The following PCDHA1 variants were observed in gnomAD, a reference collection of about 807,000 sequenced individuals.
PCDHA1 encodes protocadherin alpha 1.
In PCDHA1, 42 loss-of-function variants were observed where a neutral mutation model predicts 61.3. That is an observed-to-expected ratio of 0.69 (90% CI 0.54 to 0.89). PCDHA1 has a LOEUF of 0.89. Among genes scored for constraint, PCDHA1 ranks in the 40% least tolerant of loss-of-function variants. The pLI is 0.00. For synonymous variants in PCDHA1, 610 were observed against 553.8 expected, an observed-to-expected ratio of 1.10 and a Z score of -1.43; for missense variants, 1,256 against 1,235.3, an observed-to-expected ratio of 1.02 and a Z score of -0.25.
At chr5:140,796,709 C>G (rs782015671) in intron 1 of PCDHA1, 58 of 1,613,842 alleles carry the variant, frequency 3.6e-5, no homozygotes, top group Non-Finnish European at 4.6e-5. Flanking sequence ...GAGCTGGTGC[C>G]GTGGTCGGTG....
At chr5:140,825,177 G>T (rs1289982314) in intron 1 of PCDHA1, 2 of 151,306 alleles carry the variant, frequency 1.3e-5, no homozygotes, top group Non-Finnish European at 1.5e-5. Context: ...ATTTACTAAT[G>T]TATCTTGATG....
At position 140,881,397 on chromosome 5, in the gene PCDHA1, T is replaced by C. The variant is rs571341331; in HGVS notation, c.2394+92713T>C. On this transcript the variant is annotated intron_variant, in intron 1 of 3. Transcript: ENST00000504120. ...CAGCCGGCGGCGGTAAGTTAAATTC[T>C]ATTAAATCAATAGGATATTAGTTCC... 20 of 979,006 alleles carry C rather than the reference T, an allele frequency of 2.0e-5. No homozygotes were observed. In the African/African-American group the frequency reaches 3.5e-4, roughly 17 times the overall value. 60.6% of individuals were successfully genotyped at this position (979,006 alleles called of 1,614,324 possible). A position where few individuals can be genotyped will look rare whatever the true frequency, so the allele number is the denominator to read the frequency against.
At chr5:141,000,421 A>ATATTTTTTTTTTT (rs1265241806) in intron 3 of PCDHA1, among the ~76,000 whole-genome samples, 1 of 27,968 alleles carries the variant, frequency 3.6e-5, no homozygotes, top group African/African-American at 1.8e-4. Flanking sequence ...ATATATATAT[A>ATATTTTTTTTTTT]TTTTTTTTTT....
At chr5:140,899,974 C>A (rs2067653485) in intron 1 of PCDHA1, among the ~76,000 whole-genome samples, 1 of 151,766 alleles carries the variant, frequency 6.6e-6, no homozygotes, top group Non-Finnish European at 1.5e-5. Context: ...TGCCCAGCTA[C>A]TTTTTTGATT....
At chr5:140,856,485 T>C (rs1554148765) in intron 1 of PCDHA1, 1 of 1,598,290 alleles carries the variant, frequency 6.3e-7, no homozygotes, top group East Asian at 2.2e-5. Context: ...GAATCCAGAC[T>C]GCTTGACTCT....
chr5:140,875,873 G>C (rs1554168013), intron 1 of PCDHA1: 2 of 1,614,214 alleles, frequency 1.2e-6, no homozygotes, highest in South Asian at 1.1e-5. Context: ...CCGGTGTTCA[G>C]AGAAAGGGAA....
At chr5:140,868,922 C>A in intron 1 of PCDHA1, 2 of 1,015,106 alleles carry the variant, frequency 2.0e-6, no homozygotes, top group Non-Finnish European at 2.8e-6. Flanking sequence ...GTGGAAAGTT[C>A]ATTTAAAGGT....
intron 1 of PCDHA1, among the ~76,000 whole-genome samples, chr5:140,905,926 A>G (rs1040903041): frequency 6.6e-6 from 1 of 152,318 alleles, no homozygotes; most frequent in East Asian, 1.9e-4. Flanking sequence ...TCTGAGTCCC[A>G]AAGCTGAAGA....
chr5:140,873,149 T>C (rs2054128037), intron 1 of PCDHA1, among the ~76,000 whole-genome samples: 1 of 152,218 alleles, frequency 6.6e-6, no homozygotes, highest in Non-Finnish European at 1.5e-5. Flanking sequence ...AGCCTATTCA[T>C]AGACTTTAGA....
chr5:140,858,133 C>T, intron 1 of PCDHA1: 1 of 1,597,688 alleles, frequency 6.3e-7, no homozygotes, highest in Non-Finnish European at 8.6e-7. Context: ...TGGATGTCAA[C>T]GTGTACCTGA....
At chr5:140,992,606 G>A (rs1554253052) in intron 3 of PCDHA1, among the ~76,000 whole-genome samples, 1 of 152,188 alleles carries the variant, frequency 6.6e-6, no homozygotes. Flanking sequence ...CTGTGTCTAA[G>A]TGAAAGCAGA....
intron 1 of PCDHA1, chr5:140,856,728 T>C: frequency 6.3e-7 from 1 of 1,595,848 alleles, no homozygotes. Context: ...TCTGTTTCTC[T>C]GCTGATCCTG....
intron 1 of PCDHA1, chr5:140,862,842 G>C: frequency 1.7e-6 from 1 of 572,982 alleles, no homozygotes; most frequent in Non-Finnish European, 3.3e-6. Flanking sequence ...CGGGCATGCC[G>C]CCTCTGAGCA....
intron 1 of PCDHA1, among the ~76,000 whole-genome samples, chr5:140,916,805 A>G (rs560427769): frequency 6.6e-6 from 1 of 152,152 alleles, no homozygotes; most frequent in Non-Finnish European, 1.5e-5. Context: ...ATGACTTCCT[A>G]GGTCATGTGC....
At chr5:140,985,062 T>C (rs2097134097) in intron 3 of PCDHA1, among the ~76,000 whole-genome samples, 1 of 152,058 alleles carries the variant, frequency 6.6e-6, no homozygotes, top group African/African-American at 2.4e-5. Flanking sequence ...CTCAGCCTCC[T>C]GAGTAGCTGA....
intron 1 of PCDHA1, among the ~76,000 whole-genome samples, chr5:140,799,312 T>C (rs975453079): frequency 6.6e-6 from 1 of 152,130 alleles, no homozygotes; most frequent in Admixed American, 6.5e-5. Flanking sequence ...AGTATAACTC[T>C]TAAAGGTACT....
chr5:140,800,993 G>A (rs1319951368), intron 1 of PCDHA1: 3 of 1,393,670 alleles, frequency 2.2e-6, no homozygotes, highest in East Asian at 2.6e-5. Context: ...ATACTTACAC[G>A]TTTAGCCACA....
intron 1 of PCDHA1, chr5:140,863,349 G>T: frequency 7.7e-7 from 1 of 1,302,266 alleles, no homozygotes. Flanking sequence ...TGCTGTACAC[G>T]ACGCTGCGGT....
intron 1 of PCDHA1, among the ~76,000 whole-genome samples, chr5:140,855,209 T>C (rs951600231): frequency 6.7e-6 from 1 of 149,880 alleles, no homozygotes; most frequent in Non-Finnish European, 1.5e-5. Flanking sequence ...TAGTTTCCAT[T>C]TATGAAGCAC....
Sources: allele counts gnomAD v4.1 joint callset (sites outside exome capture counted in the v4.1 genomes callset), GRCh38; gene constraint gnomAD v4.1.1; transcripts MANE v1.5; gene names NCBI Gene and HGNC (gene_info 2026-07-23, HGNC 2026-07-21).